Variants in ANKRD46 observed in about 807,000 individuals in gnomAD.
ANKRD46 encodes the protein ankyrin repeat domain 46, also known as ankyrin repeat domain-containing protein 46.
Under a neutral mutation model 19.8 loss-of-function variants are expected in ANKRD46, and 13 were observed. The observed-to-expected ratio is 0.66, with a 90% confidence interval of 0.43 to 1.04. The LOEUF (loss-of-function observed/expected upper bound fraction) is 1.04. ANKRD46 is among the 50% of genes least tolerant of loss of function. ANKRD46 has a pLI of 0.00. For synonymous variants in ANKRD46, 91 were observed against 106.9 expected, an observed-to-expected ratio of 0.85 and a Z score of 0.92; for missense variants, 185 against 274.8, an observed-to-expected ratio of 0.67 and a Z score of 2.31.
chr8:100,516,135 A>G (rs373593421), downstream of ANKRD46, among the ~76,000 whole-genome samples: 66 of 152,194 alleles, frequency 4.3e-4, no homozygotes, highest in South Asian at 6.8e-3. Context: ...GCCTCCCAAA[A>G]TGCTGGGATT....
intron 2 of ANKRD46, among the ~76,000 whole-genome samples, chr8:100,530,866 A>G (rs1811947090): frequency 6.6e-6 from 1 of 152,170 alleles, no homozygotes; most frequent in Non-Finnish European, 1.5e-5. Flanking sequence ...GATGAGGGGA[A>G]AAAAAAGTAG....
At chr8:100,533,717 T>G (rs1238567225) in intron 1 of ANKRD46, among the ~76,000 whole-genome samples, 1 of 152,196 alleles carries the variant, frequency 6.6e-6, no homozygotes, top group Non-Finnish European at 1.5e-5. Flanking sequence ...AAAATACTAT[T>G]CATAGTGGGA....
rs185107553 is a variant in ANKRD46 at position 100,536,242 on chromosome 8, G to A, written c.-130-2931C>T. On this transcript the variant is annotated intron_variant, in intron 1 of 4. Coordinates refer to ENST00000335659, the MANE Select transcript of ANKRD46 (RefSeq NM_001270377.2). This position sits in a 1 kb window ranked among gnomAD's most constrained non-coding sequence, Gnocchi z 4.9. ...CCCTGTGAATGGATGTGAAACCTAA[G>A]TAAACATAATGAAGCCTGCTTGGAG... Among the ~76,000 whole-genome samples the A allele has an allele frequency of 6.1e-4, 93 of 152,302 alleles. No homozygotes were observed. The East Asian group carries it at 0.013, about 21-fold the overall frequency.
Position 100,522,012 on chromosome 8 carries a change from T to C in ANKRD46, c.*543A>G, listed in dbSNP as rs1811733642. On this transcript the variant is annotated 3_prime_UTR_variant, in exon 5 of 5. Transcript: ENST00000335659. ...AGTTTTGTTTGGTTTGTGACTAGAC[T>C]TAAAAATACTAAAATAAGCCAAATA... 1.0e-6 allele frequency: 1 copy of C among 985,030 alleles called. No homozygotes were observed. The highest frequency in any genetic ancestry group is 6.1e-5 in the Admixed American group (1 of 16,300). 61.0% of individuals were successfully genotyped at this position (985,030 alleles called of 1,614,324 possible).
At chr8:100,523,446 T>C (rs565353501) in intron 4 of ANKRD46, among the ~76,000 whole-genome samples, 2 of 147,202 alleles carry the variant, frequency 1.4e-5, no homozygotes, top group East Asian at 4.4e-4. Flanking sequence ...TAAATGTCTG[T>C]TGGGGGGAGG....
chr8:100,551,902 C>A (rs1812398870), intron 1 of ANKRD46, among the ~76,000 whole-genome samples: 1 of 152,154 alleles, frequency 6.6e-6, no homozygotes, highest in Non-Finnish European at 1.5e-5. Flanking sequence ...ATAATCCCAG[C>A]ACTTTGGGAG....
intron 1 of ANKRD46, among the ~76,000 whole-genome samples, chr8:100,558,846 A>G (rs908525823): frequency 6.6e-6 from 1 of 152,120 alleles, no homozygotes; most frequent in Non-Finnish European, 1.5e-5. Flanking sequence ...GGGTTGCTTC[A>G]AGGATTAAAG....
At chr8:100,522,860 C>G (rs2130642146) in intron 4 of ANKRD46, 89 bp from the exon 5 acceptor site, 1 of 581,388 alleles carries the variant, frequency 1.7e-6, no homozygotes, top group African/African-American at 2.6e-5. Context: ...TAGAAAAGAC[C>G]AAATACACAC....
At position 100,510,663 on chromosome 8, in the gene ANKRD46, TAA is replaced by T. The variant is rs752453421; in HGVS notation, c.637-26_637-25del. 2,552 of 1,261,220 alleles carry T rather than the reference TAA, an allele frequency of 2.0e-3. No homozygotes were observed. Among genetic ancestry groups the T allele is most frequent in the South Asian group, 3.9e-3 (265 of 67,536 alleles). The allele number at this position is 1,261,220 out of a possible 1,614,324, so 78.1% of individuals were successfully genotyped here. ...CTCTGTAAATGTGGGGAAGACAGATTAAAAAAAAAAAAAAATCCCAGTTCTGT... is the reference window on the plus strand; with the variant it reads ...CTCTGTAAATGTGGGGAAGACAGATTAAAAAAAAAAAAATCCCAGTTCTGT... On this transcript the variant is annotated intron_variant, in intron 5 of 5. Coordinates refer to the ANKRD46 transcript ENST00000520552. This position sits in a 1 kb window ranked among gnomAD's most constrained non-coding sequence, Gnocchi z 4.9.
Position 100,534,163 on chromosome 8 carries a change from G to C in ANKRD46, c.-130-852C>G, listed in dbSNP as rs556043760. Among the ~76,000 whole-genome samples the C allele has an allele frequency of 2.0e-5, 3 of 152,284 alleles. No homozygotes were observed. The highest frequency in any genetic ancestry group is 2.0e-4 in the Admixed American group (3 of 15,312). On this transcript the variant is annotated intron_variant, in intron 1 of 4. Coordinates refer to ENST00000335659, the MANE Select transcript of ANKRD46 (RefSeq NM_001270377.2). This position sits in a 1 kb window ranked among gnomAD's most constrained non-coding sequence, Gnocchi z 4.2. The stretch of plus-strand genomic sequence containing the variant: ...GTGAAATACAGGTTAACTTTTTACC[G>C]ATCATCCTTGTTCATTGTTATCAAA...
chr8:100,556,600 T>A (rs765820155), intron 1 of ANKRD46: 1 of 152,184 alleles, frequency 6.6e-6, no homozygotes, highest in Non-Finnish European at 1.5e-5. Flanking sequence ...TACTGCAGTC[T>A]CCAATGCTCT....
Position 100,510,659 on chromosome 8 carries a change from A to G in ANKRD46, c.637-20T>C. ...CCTTCTCTGTAAATGTGGGGAAGACAGATTAAAAAAAAAAAAAAATCCCAG... is the reference window on the plus strand; with the variant it reads ...CCTTCTCTGTAAATGTGGGGAAGACGGATTAAAAAAAAAAAAAAATCCCAG... On this transcript the variant is annotated intron_variant, in intron 5 of 5. Transcript: ENST00000520552. This position sits in a 1 kb window ranked among gnomAD's most constrained non-coding sequence, Gnocchi z 4.9. The G allele has an allele frequency of 1.3e-6, 2 of 1,521,236 alleles. No homozygotes were observed. The highest frequency in any genetic ancestry group is 8.8e-7 in the Non-Finnish European group (1 of 1,139,194). The allele number at this position is 1,521,236 out of a possible 1,614,324, so 94.2% of individuals were successfully genotyped here.
chr8:100,538,923 G>A (rs1045127999), intron 1 of ANKRD46, among the ~76,000 whole-genome samples: 7 of 152,118 alleles, frequency 4.6e-5, no homozygotes, highest in African/African-American at 1.7e-4. Context: ...TAATTTTACT[G>A]AATTCCTTAG....
intron 4 of ANKRD46, among the ~76,000 whole-genome samples, chr8:100,526,622 C>A (rs963107370): frequency 3.3e-5 from 5 of 152,070 alleles, no homozygotes; most frequent in African/African-American, 1.2e-4. Flanking sequence ...AGAAGTAAAG[C>A]TCTTGGATTT....
At position 100,510,616 on chromosome 8, in the gene ANKRD46, G is replaced by A. The variant is rs758909453; in HGVS notation, c.660C>T (p.Ser220=). 6.5e-7 allele frequency: 1 copy of A among 1,535,382 alleles called. No individual in the cohort carries two copies. The highest frequency in any genetic ancestry group is 8.7e-7 in the Non-Finnish European group (1 of 1,146,610). The stretch of plus-strand genomic sequence containing the variant: ...TTCGGCTTCTGTCTTGCCTTGCAAA[G>A]CTTCCAAGCCTCAGTGTCCTTCTCT... The change falls in exon 6 of 6, where the codon AGC becomes AGT. Residue 220 remains serine, a synonymous_variant. Transcript: ENST00000520552. This position sits in a 1 kb window ranked among gnomAD's most constrained non-coding sequence, Gnocchi z 4.9.
downstream of ANKRD46, chr8:100,520,761 A>G: frequency 4.6e-6 from 4 of 875,742 alleles, no homozygotes; most frequent in Non-Finnish European, 5.5e-6. Context: ...AAAAAAAAAG[A>G]GAAATCGTGA....
At chr8:100,540,065 AC>A (rs1363564369) in intron 1 of ANKRD46, among the ~76,000 whole-genome samples, 1 of 152,252 alleles carries the variant, frequency 6.6e-6, no homozygotes. Context: ...CATTTGAGAT[AC>A]ACAGTATTCT....
At chr8:100,513,387 G>A (rs1192637863) in intron 5 of ANKRD46, among the ~76,000 whole-genome samples, 1 of 152,182 alleles carries the variant, frequency 6.6e-6, no homozygotes, top group Non-Finnish European at 1.5e-5. Flanking sequence ...ATCAACCCTG[G>A]TAGGGCCTGG....
Position 100,546,010 on chromosome 8 carries a change from G to A in ANKRD46, c.-130-12699C>T, listed in dbSNP as rs769912229. On this transcript the variant is annotated intron_variant, in intron 1 of 4. Transcript: ENST00000335659. This position sits in a 1 kb window ranked among gnomAD's most constrained non-coding sequence, Gnocchi z 4.0. The stretch of plus-strand genomic sequence containing the variant: ...AGATGTGGCCTTGATTTTTCTCAAA[G>A]TGAACAAATGTGTTCACGAAGAGAT... Among the ~76,000 whole-genome samples, 72 of 152,216 alleles carry A rather than the reference G, an allele frequency of 4.7e-4. No homozygotes were observed. The highest frequency in any genetic ancestry group is 7.9e-4 in the Non-Finnish European group (54 of 68,042).
Sources: gnomAD v4.1 joint callset for allele counts (sites outside exome capture counted in the v4.1 genomes callset) on GRCh38, gnomAD v4.1.1 for gene constraint, Gnocchi (gnomAD v3.1) non-coding constraint, MANE v1.5 for transcripts, NCBI Gene and HGNC (gene_info 2026-07-23, HGNC 2026-07-21) for gene names.